The following TYMP variants were observed in gnomAD, a reference collection of about 807,000 sequenced individuals.
The protein encoded by TYMP is gliostatin.
Under a neutral mutation model 42.3 loss-of-function variants are expected in TYMP, and 46 were observed. That is an observed-to-expected ratio of 1.09 (90% confidence interval 0.86 to 1.39). The LOEUF is 1.39. Ranked by LOEUF, TYMP falls within the 40% of genes most tolerant of loss-of-function variation. The pLI is 0.00. For synonymous variants in TYMP, 363 were observed against 308.0 expected, an observed-to-expected ratio of 1.18 and a Z score of -1.87; for missense variants, 837 against 677.6, an observed-to-expected ratio of 1.24 and a Z score of -2.61.
intron 5 of TYMP, 43 bp from the exon 6 acceptor site, chr22:50,527,326 G>A: frequency 4.6e-6 from 7 of 1,525,620 alleles, no homozygotes; most frequent in Non-Finnish European, 6.4e-6. Flanking sequence ...GGAGAACCTG[G>A]AGCTTCTTGG....
intron 3 of TYMP, 168 bp from the exon 4 acceptor site, chr22:50,528,778 T>C (rs1161195394): frequency 3.0e-6 from 2 of 673,636 alleles, no homozygotes; most frequent in Non-Finnish European, 5.4e-6. Context: ...GGTTGAGAAG[T>C]GTCAGTAGGG....
intron 9 of TYMP, 39 bp downstream of exon 9, chr22:50,525,962 G>A: frequency 1.4e-6 from 2 of 1,390,950 alleles, no homozygotes; most frequent in Non-Finnish European, 1.8e-6. Context: ...CCGGAGCTGG[G>A]CGGGGGTGCG....
At chr22:50,527,051 G>C (rs2069415132) in intron 6 of TYMP, 114 bp downstream of exon 6, 1 of 887,998 alleles carries the variant, frequency 1.1e-6, no homozygotes, top group African/African-American at 1.6e-5. Context: ...GAAGAGGGTG[G>C]GACTGGGGTT....
rs1323432872 is a variant in TYMP, at chr22:50,526,468, G to C, written c.937C>G (p.Leu313Val). The change falls in exon 8 of 10, where the codon CTG becomes GTG. Residue 313 changes from leucine to valine, a missense_variant. Physicochemically the swap from Leu to Val is conservative, Grantham distance 32 (BLOSUM62 1). Transcript: ENST00000252029. ...CCCGCGTGTCCGCTGAGCCAGAGCAGGGCGCCCCCTGCGGGCGGGGACGGG... is the reference window on the plus strand; with the variant it reads ...CCCGCGTGTCCGCTGAGCCAGAGCACGGCGCCCCCTGCGGGCGGGGACGGG... ...RDLVTTLGGA[L>V]LWLSGHAGTQ... is the part of the protein sequence containing the mutation. 1.3e-6 allele frequency: 2 copies of C among 1,492,910 alleles called. No homozygotes were observed. Among genetic ancestry groups the C allele is most frequent in the Admixed American group, 4.5e-5 (2 of 44,034 alleles). The allele number at this position is 1,492,910 out of a possible 1,614,324, so 92.5% of individuals were successfully genotyped here. A position where few individuals can be genotyped will look rare whatever the true frequency, so the allele number is the denominator to read the frequency against.
chr22:50,529,491 C>G lies in TYMP; in HGVS notation c.214+5G>C. ...GGTCAGGAACGCCCAACCCTCCCCA[C>G]GCACCGATCTGTGCGCCCTGCGCGC... On this transcript the variant is annotated splice_donor_5th_base_variant and intron_variant, in intron 2 of 9. Transcript: ENST00000252029. The G allele has an allele frequency of 6.2e-7, 1 of 1,612,400 alleles. No individual in the cohort carries two copies. Among genetic ancestry groups the G allele is most frequent in the Non-Finnish European group, 8.5e-7 (1 of 1,179,864 alleles).
intron 6 of TYMP, 84 bp from the exon 7 acceptor site, chr22:50,526,822 C>G (rs1388662124): frequency 8.6e-6 from 12 of 1,403,358 alleles, no homozygotes; most frequent in Non-Finnish European, 1.1e-5. Context: ...CCCTGCTGCA[C>G]CCTGGGTTGC....
rs532748953 is a variant in TYMP at position 50,529,460 on chromosome 22, A to G, written c.214+36T>C. 1.3e-5 allele frequency: 21 copies of G among 1,609,724 alleles called. No homozygotes were observed. In the South Asian group the frequency reaches 1.6e-4, roughly 13 times the overall value. ...CCAAAGTCTCTCGGGCTGACCTCCC[A>G]GTCGGGGTCAGGAACGCCCAACCCT... On this transcript the variant is annotated intron_variant, in intron 2 of 9. Transcript: ENST00000252029.
Position 50,525,759 on chromosome 22 carries a change from G to T in TYMP, c.*11C>A. The T allele has an allele frequency of 6.2e-6, 10 of 1,609,682 alleles. No homozygotes were observed. The highest frequency in any genetic ancestry group is 2.2e-5 in the East Asian group (1 of 44,746). ...GCCCAAGCACTGACAAGGTTTCGCG[G>T]CAAAGGAGCTTTATTGCTGCGGCGG... is the stretch of plus-strand genomic sequence containing the variant. On this transcript the variant is annotated 3_prime_UTR_variant, in exon 10 of 10. Coordinates refer to ENST00000252029, the MANE Select transcript of TYMP (RefSeq NM_001953.5).
chr22:50,528,093 C>T (rs1194776282), intron 4 of TYMP: 2 of 391,424 alleles, frequency 5.1e-6, no homozygotes, highest in Admixed American at 3.7e-5. Flanking sequence ...CTCACTGCAG[C>T]CTAGACCTCC....
At chr22:50,527,938 CTTTT>C (rs927161721) in intron 4 of TYMP, 6 of 533,824 alleles carry the variant, frequency 1.1e-5, no homozygotes, top group Non-Finnish European at 2.0e-5. Flanking sequence ...CCACACGCGG[CTTTT>C]TTTTTTCTTC....
chr22:50,525,773 T>C lies in TYMP; in HGVS notation c.1446A>G (p.Gln482=), dbSNP rs771864603. The C allele has an allele frequency of 2.5e-6, 4 of 1,610,818 alleles. No individual in the cohort carries two copies. Among genetic ancestry groups the C allele is most frequent in the Middle Eastern group, 1.7e-4 (1 of 6,030 alleles). Residue 482 remains glutamine, a synonymous_variant, in exon 10 of 10, where the codon CAA becomes CAG. Coordinates refer to ENST00000252029, the MANE Select transcript of TYMP (RefSeq NM_001953.5). Reference sequence around the variant, plus strand: ...AAGGTTTCGCGGCAAAGGAGCTTTATTGCTGCGGCGGCAGAACGAGCTCTG... The same window carrying C: ...AAGGTTTCGCGGCAAAGGAGCTTTACTGCTGCGGCGGCAGAACGAGCTCTG... The part of the protein sequence containing the change: ...PFAELVLPPQ[Q]
rs375465994 is a variant in TYMP at position 50,527,734 on chromosome 22, T to C, written c.517-17A>G. 38 of 1,598,312 alleles carry C rather than the reference T, an allele frequency of 2.4e-5. No individual in the cohort carries two copies. The highest frequency in any genetic ancestry group is 5.4e-5 in the African/African-American group (4 of 73,870). The stretch of plus-strand genomic sequence containing the variant: ...CACTTGCATCTGGTCAGACATCCCC[T>C]GTTCTCAGTGACTTATGGTAAATGA... On this transcript the variant is annotated splice_polypyrimidine_tract_variant and intron_variant, in intron 4 of 9. Coordinates refer to ENST00000252029, the MANE Select transcript of TYMP (RefSeq NM_001953.5).
At chr22:50,529,050 G>A (rs1355135806) in intron 3 of TYMP, 86 bp downstream of exon 3, 26 of 1,414,612 alleles carry the variant, frequency 1.8e-5, no homozygotes, top group Non-Finnish European at 2.4e-5. Flanking sequence ...CTTTGGGCCA[G>A]GCTTGAGGTT....
At position 50,525,801 on chromosome 22, in the gene TYMP, A is replaced by T. The variant is rs755401488; in HGVS notation, c.1418T>A (p.Phe473Tyr). The change falls in exon 10 of 10, where the codon TTC becomes TAC. Residue 473 changes from phenylalanine to tyrosine, a missense_variant. Physicochemically the swap from Phe to Tyr is conservative, Grantham distance 22. Coordinates refer to ENST00000252029, the MANE Select transcript of TYMP (RefSeq NM_001953.5). ...DRAPFAAPSP[F>Y]AELVLPPQQ ...CTGCGGCGGCAGAACGAGCTCTGCG[A>T]AGGGCGAGGGGGCGGCGAATGGCGC... 6.2e-7 allele frequency: 1 copy of T among 1,610,840 alleles called. No individual in the cohort carries two copies. The highest frequency in any genetic ancestry group is 8.5e-7 in the Non-Finnish European group (1 of 1,179,082).
In TYMP at chr22:50,526,168, G is replaced by A. The variant is rs771543292; in HGVS notation, c.1160-27C>T. On this transcript the variant is annotated intron_variant, in intron 8 of 9. Transcript: ENST00000252029. The stretch of plus-strand genomic sequence containing the variant: ...TGCGGGGAGAGGGGCTGAGAGGCGC[G>A]GGCTCGGGAAGGGGCGGGGCCTCGG... 60 of 1,469,312 alleles carry A rather than the reference G, an allele frequency of 4.1e-5. No individual in the cohort carries two copies. In the African/African-American group the frequency reaches 8.2e-4, roughly 20 times the overall value. 91.0% of individuals were successfully genotyped at this position (1,469,312 alleles called of 1,614,324 possible).
At chr22:50,527,032 C>G in intron 6 of TYMP, 133 bp downstream of exon 6, 1 of 817,616 alleles carries the variant, frequency 1.2e-6, no homozygotes, top group Non-Finnish European at 2.1e-6. Flanking sequence ...GAGGGAGGGA[C>G]TTCGGGCAGA....
intron 4 of TYMP, 180 bp from the exon 5 acceptor site, chr22:50,527,897 TC>T: frequency 4.3e-6 from 3 of 690,126 alleles, no homozygotes; most frequent in Non-Finnish European, 7.2e-6. Context: ...CACCTCAGCT[TC>T]CCAGTAGCTG....
In TYMP at chr22:50,527,092, G is replaced by C. The variant is rs897802871; in HGVS notation, c.765+73C>G. 2.8e-5 allele frequency: 34 copies of C among 1,221,366 alleles called. No individual in the cohort carries two copies. The South Asian group carries it at 3.9e-4, about 14-fold the overall frequency. The allele number at this position is 1,221,366 out of a possible 1,614,324, so 75.7% of individuals were successfully genotyped here. On this transcript the variant is annotated intron_variant, in intron 6 of 9. Transcript: ENST00000252029. ...GGACTGCTGAGTGGAGGGAGGCAGTGGGGACGGGAGGGGTGAAGGGTAGGC... is the reference window on the plus strand; with the variant it reads ...GGACTGCTGAGTGGAGGGAGGCAGTCGGGACGGGAGGGGTGAAGGGTAGGC...
At position 50,527,241 on chromosome 22, in the gene TYMP, A is replaced by G; in HGVS notation, c.689T>C (p.Leu230Pro). Residue 230 changes from leucine (L) to proline (P), a missense_variant, in exon 6 of 10, where the codon CTG becomes CCG. Leu to Pro is a moderately conservative substitution (Grantham distance 98). Coordinates refer to ENST00000252029, the MANE Select transcript of TYMP (RefSeq NM_001953.5). ...SKKLVEGLSA[L>P]VVDVKFGGAA... is the part of the protein sequence containing the mutation. ...CCCTCCGAACTTAACGTCCACCACC[A>G]GAGCGGACAGCCCCTCCACGAGTTT... 1 of 1,613,722 alleles carries G rather than the reference A, an allele frequency of 6.2e-7. No homozygotes were observed. Among genetic ancestry groups the G allele is most frequent in the South Asian group, 1.1e-5 (1 of 91,088 alleles).
Sources: allele counts gnomAD v4.1 joint callset, GRCh38; gene constraint gnomAD v4.1.1; transcripts MANE v1.5; gene names NCBI Gene and HGNC (gene_info 2026-07-23, HGNC 2026-07-21).